SP4: variants seen among roughly 807,000 people sequenced by gnomAD.
The protein encoded by SP4 is transcription factor Sp4.
Under a neutral mutation model 72.8 loss-of-function variants are expected in SP4, and 19 were observed. The observed-to-expected ratio is 0.26, with a 90% CI of 0.18 to 0.38. The LOEUF (loss-of-function observed/expected upper bound fraction) is 0.38, where lower values mean the gene tolerates loss of function less well. Ranked by LOEUF, SP4 falls within the 10% of genes least tolerant of loss-of-function variation. SP4 has a pLI of 1.00. For missense variants in SP4, 1,008 were observed against 926.3 expected (o/e 1.09, Z -1.14); for synonymous variants, 395 against 333.1 (o/e 1.19, Z -2.02).
chr7:21,486,762 T>C (rs950920646), intron 5 of SP4, among the ~76,000 whole-genome samples: 2 of 152,192 alleles, frequency 1.3e-5, no homozygotes, highest in South Asian at 2.1e-4. Context: ...TCTCTTTCCA[T>C]ATTGTTTGTT....
At chr7:21,487,332 C>T (rs917193429) in intron 5 of SP4, among the ~76,000 whole-genome samples, 1 of 150,442 alleles carries the variant, frequency 6.6e-6, no homozygotes, top group African/African-American at 2.4e-5. Flanking sequence ...GGTCACCTCT[C>T]TCCCTCTCTC....
chr7:21,428,239 C>G lies in SP4; in HGVS notation c.-13C>G. On this transcript the variant is annotated 5_prime_UTR_variant, in exon 1 of 6. Transcript: ENST00000222584. The stretch of plus-strand genomic sequence containing the variant: ...CAGTGTCTCCGTCTGAGGGTTTGTC[C>G]TGTTAATGCGGGATGAGCGGTACGT... The G allele has an allele frequency of 7.7e-7, 1 of 1,298,502 alleles. No homozygotes were observed. The highest frequency in any genetic ancestry group is 1.0e-6 in the Non-Finnish European group (1 of 976,390). The allele number at this position is 1,298,502 out of a possible 1,614,324, so 80.4% of individuals were successfully genotyped here. A position where few individuals can be genotyped will look rare whatever the true frequency, so the allele number is the denominator to read the frequency against.
chr7:21,499,366 A>G (rs1781809885), intron 5 of SP4, among the ~76,000 whole-genome samples: 1 of 152,162 alleles, frequency 6.6e-6, no homozygotes. Flanking sequence ...TTGCAGATGA[A>G]ATGAAGTTAA....
intron 5 of SP4, among the ~76,000 whole-genome samples, chr7:21,490,715 A>T (rs1020987017): frequency 6.6e-6 from 1 of 152,180 alleles, no homozygotes. Flanking sequence ...ACTGGGCTCA[A>T]CCTTGAGCAT....
At chr7:21,498,606 A>G (rs554653337) in intron 5 of SP4, among the ~76,000 whole-genome samples, 1 of 152,328 alleles carries the variant, frequency 6.6e-6, no homozygotes, top group Admixed American at 6.5e-5. Context: ...TTAACCCTTG[A>G]ACAACACAGA....
chr7:21,445,958 G>C (rs1783408273), intron 3 of SP4, among the ~76,000 whole-genome samples: 1 of 144,284 alleles, frequency 6.9e-6, no homozygotes, highest in Non-Finnish European at 1.5e-5. Flanking sequence ...CAAAACATAT[G>C]ATCGAGTTCA....
chr7:21,464,165 C>T (rs1784089253), intron 3 of SP4, among the ~76,000 whole-genome samples: 2 of 145,032 alleles, frequency 1.4e-5, no homozygotes, highest in African/African-American at 5.2e-5. Context: ...AGTTCTGTCA[C>T]CCAGGCTGGA....
At chr7:21,471,932 A>G (rs1382227005) in intron 3 of SP4, among the ~76,000 whole-genome samples, 1 of 152,256 alleles carries the variant, frequency 6.6e-6, no homozygotes. Context: ...TAGTAGATAT[A>G]AAACAATAGT....
chr7:21,511,417 C>A lies in SP4; in HGVS notation c.*148C>A. ...AGTATTCCAGGGTTTGGGGTCAACA[C>A]GTGAAGTGTTGAATTTTAAAAAATA... On this transcript the variant is annotated 3_prime_UTR_variant, in exon 6 of 6. Transcript: ENST00000222584. The A allele has an allele frequency of 6.6e-6, 5 of 758,500 alleles. No individual in the cohort carries two copies. The highest frequency in any genetic ancestry group is 2.0e-5 in the South Asian group (1 of 50,162). The allele number at this position is 758,500 out of a possible 1,614,324, so 47.0% of individuals were successfully genotyped here. A position where few individuals can be genotyped will look rare whatever the true frequency, so the allele number is the denominator to read the frequency against.
intron 3 of SP4, among the ~76,000 whole-genome samples, chr7:21,475,852 C>G (rs77720634): frequency 0.021 from 3,186 of 152,312 alleles, 120 homozygotes; most frequent in African/African-American, 0.072. Flanking sequence ...TTAATACTTA[C>G]ATCAACTTTC....
chr7:21,487,872 G>GT (rs1562620732), intron 5 of SP4, among the ~76,000 whole-genome samples: 2 of 151,610 alleles, frequency 1.3e-5, no homozygotes, highest in Admixed American at 6.6e-5. Flanking sequence ...TTTTGTTTTG[G>GT]TTTTTTTGAG....
intron 3 of SP4, among the ~76,000 whole-genome samples, chr7:21,439,822 CAA>C (rs533398722): frequency 6.6e-6 from 1 of 152,266 alleles, no homozygotes; most frequent in South Asian, 2.1e-4. Context: ...TGCTTGAACT[CAA>C]GAGTTCTGTT....
intron 5 of SP4, among the ~76,000 whole-genome samples, chr7:21,499,988 A>G (rs1263492474): frequency 6.6e-6 from 1 of 152,182 alleles, no homozygotes; most frequent in African/African-American, 2.4e-5. Flanking sequence ...AATCTCAGCA[A>G]ATTTTTTCCA....
At chr7:21,445,065 A>G (rs1783379035) in intron 3 of SP4, among the ~76,000 whole-genome samples, 2 of 152,166 alleles carry the variant, frequency 1.3e-5, no homozygotes, top group South Asian at 4.1e-4. Context: ...TAGTAATAAC[A>G]TCTCCCTGAC....
intron 5 of SP4, among the ~76,000 whole-genome samples, chr7:21,486,585 T>TAGAGTAAG (rs1279347569): frequency 3.3e-5 from 5 of 152,292 alleles, no homozygotes; most frequent in African/African-American, 1.2e-4. Context: ...TTCTAATGAT[T>TAGAGTAAG]AGAGTAAGAT....
At chr7:21,463,059 A>G (rs1470585976) in intron 3 of SP4, among the ~76,000 whole-genome samples, 2 of 152,018 alleles carry the variant, frequency 1.3e-5, no homozygotes, top group African/African-American at 2.4e-5. Context: ...ATTGGACAGC[A>G]CTGATAAATA....
chr7:21,447,722 G>T (rs1456307082), intron 3 of SP4, among the ~76,000 whole-genome samples: 1 of 152,096 alleles, frequency 6.6e-6, no homozygotes, highest in Admixed American at 6.6e-5. Flanking sequence ...CTTGCTCTGT[G>T]GTCCAGGCTG....
chr7:21,478,359 A>C (rs1482093588), intron 4 of SP4, among the ~76,000 whole-genome samples: 1 of 152,186 alleles, frequency 6.6e-6, no homozygotes, highest in Non-Finnish European at 1.5e-5. Context: ...ATATGTTTTC[A>C]TTTCTCTTGT....
intron 3 of SP4, among the ~76,000 whole-genome samples, chr7:21,434,737 T>A (rs1033488741): frequency 1.3e-5 from 2 of 152,118 alleles, no homozygotes; most frequent in African/African-American, 4.8e-5. Context: ...CCAACAGGTA[T>A]TTTTTTCCAC....
Sources: gnomAD v4.1 joint callset for allele counts (sites outside exome capture counted in the v4.1 genomes callset) on GRCh38, gnomAD v4.1.1 for gene constraint, MANE v1.5 for transcripts, NCBI Gene and HGNC (gene_info 2026-07-23, HGNC 2026-07-21) for gene names.